Variants in AKAP13 observed in about 807,000 individuals in gnomAD.
The protein encoded by AKAP13 is A-kinase anchoring protein 13, also known as A-kinase anchor protein 13.
A neutral mutation model predicts 264.5 loss-of-function variants in AKAP13; 80 were observed. The observed-to-expected ratio is 0.30, with a 90% CI of 0.25 to 0.36. AKAP13 has a LOEUF of 0.36. AKAP13 is among the 10% of genes least tolerant of loss of function. The pLI, the probability that AKAP13 is intolerant of heterozygous loss-of-function variation, is 1.00. For missense variants in AKAP13, 3,712 were observed against 3,435.2 expected, an observed-to-expected ratio of 1.08 and a Z score of -2.01; for synonymous variants, 1,380 against 1,250.2, an observed-to-expected ratio of 1.10 and a Z score of -2.19.
chr15:85,423,396 A>G (rs916910700), intron 1 of AKAP13, among the ~76,000 whole-genome samples: 1 of 152,260 alleles, frequency 6.6e-6, no homozygotes, highest in African/African-American at 2.4e-5. Flanking sequence ...TCATTTCAAC[A>G]ATGCACAGCA....
At chr15:85,475,588 G>A (rs1458229900) in intron 1 of AKAP13, among the ~76,000 whole-genome samples, 1 of 152,162 alleles carries the variant, frequency 6.6e-6, no homozygotes, top group Non-Finnish European at 1.5e-5. Context: ...TCACTTTGAG[G>A]TTGTCTAGTT....
rs59412006 is a variant in AKAP13 at position 85,586,783 on chromosome 15, C to T, written c.4161+960C>T. The stretch of plus-strand genomic sequence containing the variant: ...TTTACTAAAAATACAAAAAAATTAG[C>T]CGGGCGTGGTGGCAGGTGCCTGTAA... On this transcript the variant is annotated intron_variant, in intron 8 of 36. Coordinates refer to ENST00000394518, the MANE Select transcript of AKAP13 (RefSeq NM_007200.5). 3.2e-4 allele frequency among the ~76,000 whole-genome samples: 48 copies of T among 152,076 alleles called. 1 individual carries two copies. The East Asian group carries it at 9.3e-3, about 29-fold the overall frequency.
At chr15:85,637,635 T>G (rs2082121027) in intron 8 of AKAP13, among the ~76,000 whole-genome samples, 1 of 152,016 alleles carries the variant, frequency 6.6e-6, no homozygotes, top group African/African-American at 2.4e-5. Context: ...TGATTTTTGT[T>G]CTTTATTTTC....
At chr15:85,650,269 A>G (rs1454915759) in intron 10 of AKAP13, among the ~76,000 whole-genome samples, 1 of 151,742 alleles carries the variant, frequency 6.6e-6, no homozygotes, top group Non-Finnish European at 1.5e-5. Flanking sequence ...GTCTCCAGTA[A>G]AAAATTTAAA....
At chr15:85,495,149 G>A (rs937717135) in intron 2 of AKAP13, among the ~76,000 whole-genome samples, 5 of 152,212 alleles carry the variant, frequency 3.3e-5, no homozygotes, top group Non-Finnish European at 5.9e-5. Context: ...GATTCCTCAA[G>A]AGGATGGTTA....
At chr15:85,443,503 CT>C (rs2073785451) in intron 1 of AKAP13, among the ~76,000 whole-genome samples, 1 of 151,978 alleles carries the variant, frequency 6.6e-6, no homozygotes, top group Non-Finnish European at 1.5e-5. Context: ...ATCAGCATTC[CT>C]TATTATTATT....
chr15:85,465,941 A>G (rs1240593848), intron 1 of AKAP13, among the ~76,000 whole-genome samples: 2 of 149,516 alleles, frequency 1.3e-5, no homozygotes, highest in African/African-American at 4.9e-5. Context: ...GACTTCCACA[A>G]TGGTTGAACT....
At chr15:85,635,427 G>A (rs991205139) in intron 8 of AKAP13, among the ~76,000 whole-genome samples, 3 of 152,020 alleles carry the variant, frequency 2.0e-5, no homozygotes, top group African/African-American at 7.2e-5. Context: ...TTACTGCATT[G>A]TAAGAGTTTC....
intron 33 of AKAP13, among the ~76,000 whole-genome samples, chr15:85,737,109 G>A (rs1353769246): frequency 2.6e-5 from 4 of 151,900 alleles, no homozygotes; most frequent in Admixed American, 6.6e-5. Flanking sequence ...TAGTAGAGAC[G>A]AGTTTTCATC....
chr15:85,736,000 G>A lies in AKAP13; in HGVS notation c.7513-90G>A, dbSNP rs181857871. On this transcript the variant is annotated intron_variant, in intron 32 of 36. Transcript: ENST00000394518. Reference sequence around the variant, plus strand: ...TTAGTGAGAGGCTGTGGTAGAAAATGGAAAGCTACAGCCTAACACAGAAAC... The same window carrying A: ...TTAGTGAGAGGCTGTGGTAGAAAATAGAAAGCTACAGCCTAACACAGAAAC... The A allele has an allele frequency of 5.7e-4, 604 of 1,052,182 alleles. 3 individuals carry two copies. The East Asian group carries it at 0.014, about 24-fold the overall frequency. The allele number at this position is 1,052,182 out of a possible 1,614,324, so 65.2% of individuals were successfully genotyped here.
Position 85,739,343 on chromosome 15 carries a change from T to C in AKAP13, c.7558-879T>C, listed in dbSNP as rs1443682816. On this transcript the variant is annotated intron_variant, in intron 33 of 36. Transcript: ENST00000394518. ...TTTGATAAGTTTGGGTCATTTATTT[T>C]ATTTTGCATTTATTTGATTTCAAAT... is the stretch of plus-strand genomic sequence containing the variant. 3.9e-5 allele frequency among the ~76,000 whole-genome samples: 6 copies of C among 152,374 alleles called. No individual in the cohort carries two copies. The East Asian group carries it at 9.6e-4, about 24-fold the overall frequency.
At chr15:85,445,698 A>G in intron 1 of AKAP13, among the ~76,000 whole-genome samples, 1 of 120,486 alleles carries the variant, frequency 8.3e-6, no homozygotes, top group Non-Finnish European at 1.8e-5. Context: ...ATCAGTCTGT[A>G]TTTAATTAAG....
intron 1 of AKAP13, among the ~76,000 whole-genome samples, chr15:85,450,148 G>C (rs2074031981): frequency 6.6e-6 from 1 of 151,922 alleles, no homozygotes; most frequent in African/African-American, 2.4e-5. Flanking sequence ...GTCTGGGTGG[G>C]GGTGTATGTG....
At chr15:85,395,874 T>A (rs1210420264) in intron 1 of AKAP13, among the ~76,000 whole-genome samples, 1 of 152,162 alleles carries the variant, frequency 6.6e-6, no homozygotes, top group Non-Finnish European at 1.5e-5. Context: ...CATGTCTATC[T>A]TTCCTCCCAG....
At chr15:85,471,230 T>C (rs2074948639) in intron 1 of AKAP13, among the ~76,000 whole-genome samples, 1 of 152,200 alleles carries the variant, frequency 6.6e-6, no homozygotes, top group Non-Finnish European at 1.5e-5. Flanking sequence ...GCGCGGTGGC[T>C]CACGTCTGTA....
At chr15:85,717,516 A>C in intron 21 of AKAP13, 114 bp downstream of exon 21, 1 of 733,624 alleles carries the variant, frequency 1.4e-6, no homozygotes, top group Non-Finnish European at 2.3e-6. Context: ...GTATCCCGTG[A>C]AGATTCTCTA....
intron 1 of AKAP13, among the ~76,000 whole-genome samples, chr15:85,459,550 A>G (rs1230791760): frequency 6.6e-6 from 1 of 151,130 alleles, no homozygotes; most frequent in South Asian, 2.1e-4. Context: ...CCCAGGCTGG[A>G]GTGCAGTGGT....
At chr15:85,404,008 A>G (rs1409956807) in intron 1 of AKAP13, among the ~76,000 whole-genome samples, 3 of 152,218 alleles carry the variant, frequency 2.0e-5, no homozygotes, top group Non-Finnish European at 4.4e-5. Flanking sequence ...GCCTGGAGCC[A>G]TAGTGATCTT....
intron 1 of AKAP13, among the ~76,000 whole-genome samples, chr15:85,469,822 G>T (rs796261918): frequency 2.0e-4 from 30 of 152,302 alleles, no homozygotes; most frequent in African/African-American, 7.2e-4. Flanking sequence ...ATGCCATGTC[G>T]ATACAGAACT....
Sources: allele counts gnomAD v4.1 joint callset (sites outside exome capture counted in the v4.1 genomes callset), GRCh38; gene constraint gnomAD v4.1.1; transcripts MANE v1.5; gene names NCBI Gene and HGNC (gene_info 2026-07-23, HGNC 2026-07-21).